Variants in AAK1 observed in about 807,000 individuals in gnomAD.
AAK1 encodes AP2 associated kinase 1.
Under a neutral mutation model 116.0 loss-of-function variants are expected in AAK1, and 37 were observed. That is an observed-to-expected ratio of 0.32 (90% CI 0.25 to 0.42). The LOEUF is 0.42. Among genes scored for constraint, AAK1 ranks in the 10% least tolerant of loss-of-function variants. The pLI is 1.00. For synonymous variants in AAK1, 458 were observed against 439.9 expected, an observed-to-expected ratio of 1.04 and a Z score of -0.51; for missense variants, 919 against 1,170.6, an observed-to-expected ratio of 0.79 and a Z score of 3.14.
Position 69,467,535 on chromosome 2 carries a change from G to T in AAK1, c.*8334C>A, listed in dbSNP as rs1674529600. The T allele has an allele frequency of 1.0e-6, 1 of 985,344 alleles. No homozygotes were observed. 61.0% of individuals were successfully genotyped at this position (985,344 alleles called of 1,614,324 possible). On this transcript the variant is annotated 3_prime_UTR_variant, in exon 22 of 22. Coordinates refer to ENST00000409085, the MANE Select transcript of AAK1 (RefSeq NM_014911.5). ...CAGAGAAAGGGTGGTTGGGGGTAAA[G>T]GTATCATTTCATCATGGGCTCAGTA...
intron 5 of AAK1, among the ~76,000 whole-genome samples, chr2:69,537,600 A>G (rs1670530473): frequency 6.6e-6 from 1 of 152,226 alleles, no homozygotes; most frequent in Non-Finnish European, 1.5e-5. Context: ...ACAGGAAAAT[A>G]GAGAACTCTT....
At chr2:69,573,946 G>T (rs1410645646) in intron 2 of AAK1, among the ~76,000 whole-genome samples, 1 of 151,848 alleles carries the variant, frequency 6.6e-6, no homozygotes, top group Non-Finnish European at 1.5e-5. Context: ...AGTGAGCTGA[G>T]ATCATGCCAC....
At chr2:69,584,662 TCAGG>T (rs1052181240) in intron 2 of AAK1, among the ~76,000 whole-genome samples, 16 of 152,190 alleles carry the variant, frequency 1.1e-4, no homozygotes, top group African/African-American at 3.1e-4. Flanking sequence ...AGGTGTCAGG[TCAGG>T]CTCTTGGTGA....
At chr2:69,607,903 C>T (rs192446654) in intron 2 of AAK1, among the ~76,000 whole-genome samples, 5 of 152,286 alleles carry the variant, frequency 3.3e-5, no homozygotes, top group East Asian at 3.9e-4. Context: ...TCTTATAGGA[C>T]ATCTGAGTAC....
intron 10 of AAK1, among the ~76,000 whole-genome samples, chr2:69,523,223 G>C (rs7566200): frequency 0.13 from 19,168 of 152,184 alleles, 1,531 homozygotes; most frequent in African/African-American, 0.22. Flanking sequence ...TATCATGTTT[G>C]AGCCTAGTAC....
chr2:69,514,579 C>G lies in AAK1; in HGVS notation c.1668G>C (p.Leu556=), dbSNP rs1451128310. The G allele has an allele frequency of 6.4e-7, 1 of 1,574,360 alleles. No homozygotes were observed. The part of the protein sequence containing the change: ...QLATALHQQQ[L]MTQQAALQQK... ...GCTGCAAGGCAGCCTGCTGAGTCATCAGCTGTTGTTGATGCAGGGCTGTGG... is the reference window on the plus strand; with the variant it reads ...GCTGCAAGGCAGCCTGCTGAGTCATGAGCTGTTGTTGATGCAGGGCTGTGG... Residue 556 remains leucine (L), a synonymous_variant, in exon 13 of 22, where the codon CTG becomes CTC. Transcript: ENST00000409085.
At chr2:69,491,943 TG>T (rs896109320) in intron 17 of AAK1, among the ~76,000 whole-genome samples, 2 of 152,148 alleles carry the variant, frequency 1.3e-5, no homozygotes, top group African/African-American at 4.8e-5. Context: ...AAGGCTTTAT[TG>T]ATCTGAGAAC....
rs1674591273 is a variant in AAK1 at position 69,469,134 on chromosome 2, G to A, written c.*6735C>T. Reference sequence around the variant, plus strand: ...TAAAGGGTTGTCCTGAGAAGGCCAAGTCCCTTAACCTTTCTATTCTTGTTA... The same window carrying A: ...TAAAGGGTTGTCCTGAGAAGGCCAAATCCCTTAACCTTTCTATTCTTGTTA... On this transcript the variant is annotated 3_prime_UTR_variant, in exon 22 of 22. Transcript: ENST00000409085. 1.0e-6 allele frequency: 1 copy of A among 985,316 alleles called. No homozygotes were observed. Among genetic ancestry groups the A allele is most frequent in the Non-Finnish European group, 1.2e-6 (1 of 829,942 alleles). 61.0% of individuals were successfully genotyped at this position (985,316 alleles called of 1,614,324 possible).
At chr2:69,484,032 G>T (rs183425309) in intron 17 of AAK1, among the ~76,000 whole-genome samples, 2 of 152,332 alleles carry the variant, frequency 1.3e-5, no homozygotes, top group African/African-American at 2.4e-5. Context: ...TTCCTGTTAA[G>T]AGGAGACTTA....
At chr2:69,556,614 T>A (rs772512528) in intron 3 of AAK1, among the ~76,000 whole-genome samples, 1 of 152,040 alleles carries the variant, frequency 6.6e-6, no homozygotes, top group Non-Finnish European at 1.5e-5. Flanking sequence ...CTTTTCCCAA[T>A]GCCCAAAATG....
At chr2:69,586,624 T>C (rs1321375365) in intron 2 of AAK1, among the ~76,000 whole-genome samples, 4 of 152,204 alleles carry the variant, frequency 2.6e-5, no homozygotes, top group Non-Finnish European at 4.4e-5. Flanking sequence ...CGGTAACTAC[T>C]GAATGAAGGA....
chr2:69,538,898 CAA>C (rs1250060533), intron 5 of AAK1, among the ~76,000 whole-genome samples: 5 of 151,920 alleles, frequency 3.3e-5, no homozygotes, highest in Non-Finnish European at 7.4e-5. Flanking sequence ...AAACAAAAAA[CAA>C]AGTTAATATA....
At chr2:69,485,809 C>T (rs997007723) in intron 17 of AAK1, among the ~76,000 whole-genome samples, 2 of 151,976 alleles carry the variant, frequency 1.3e-5, no homozygotes, top group African/African-American at 2.4e-5. Context: ...CGAGTGTGCG[C>T]CACCACACTC....
Position 69,498,177 on chromosome 2 carries a change from C to G in AAK1, c.2270-2097G>C, listed in dbSNP as rs150994080. On this transcript the variant is annotated intron_variant, in intron 16 of 21. Coordinates refer to ENST00000409085, the MANE Select transcript of AAK1 (RefSeq NM_014911.5). ...GGGGCTCAGCATCCCCTCTACTAAT[C>G]CCCTTGGCCTGGGCCATCAAATGTG... Among the ~76,000 whole-genome samples, 106 of 152,344 alleles carry G rather than the reference C, an allele frequency of 7.0e-4. 1 individual carries two copies. The South Asian group carries it at 7.1e-3, about 10-fold the overall frequency.
In AAK1 at chr2:69,519,225, G is replaced by C; in HGVS notation, c.1226C>G (p.Pro409Arg). Residue 409 changes from proline to arginine, a missense_variant, in exon 12 of 22, where the codon CCT becomes CGT. By Grantham distance (103) the Pro-to-Arg change is moderately radical. Coordinates refer to ENST00000409085, the MANE Select transcript of AAK1 (RefSeq NM_014911.5). ...PPQAAGSSNQ[P>R]GLLASVPQPK... ...TTGGGGAACACTGGCTAAAAGGCCAGGCTGATTGCTGGATCCTGCAATGAG... is the reference window on the plus strand; with the variant it reads ...TTGGGGAACACTGGCTAAAAGGCCACGCTGATTGCTGGATCCTGCAATGAG... The C allele has an allele frequency of 1.3e-6, 2 of 1,581,970 alleles. No individual in the cohort carries two copies. Among genetic ancestry groups the C allele is most frequent in the Non-Finnish European group, 1.7e-6 (2 of 1,163,692 alleles).
chr2:69,473,138 G>A lies in AAK1; in HGVS notation c.*2731C>T. 1.2e-6 allele frequency: 1 copy of A among 813,016 alleles called. No homozygotes were observed. Among genetic ancestry groups the A allele is most frequent in the Non-Finnish European group, 1.5e-6 (1 of 672,620 alleles). The allele number at this position is 813,016 out of a possible 1,614,324, so 50.4% of individuals were successfully genotyped here. On this transcript the variant is annotated 3_prime_UTR_variant, in exon 22 of 22. Transcript: ENST00000409085. ...CTAAGGAACAGCAACTCTGAGAGGT[G>A]AAGTGCCTGCTGAAGGTCACTCAGC...
At chr2:69,488,360 T>C (rs1048443437) in intron 17 of AAK1, among the ~76,000 whole-genome samples, 1 of 152,094 alleles carries the variant, frequency 6.6e-6, no homozygotes, top group Non-Finnish European at 1.5e-5. Context: ...GAGTATCATT[T>C]TATTGATTTA....
intron 2 of AAK1, among the ~76,000 whole-genome samples, chr2:69,621,568 TCA>T (rs899262634): frequency 6.6e-6 from 1 of 152,132 alleles, no homozygotes; most frequent in African/African-American, 2.4e-5. Context: ...AGCTGAACCC[TCA>T]GTCAACCCAC....
chr2:69,505,492 A>G lies in AAK1; in HGVS notation c.2269+77T>C, dbSNP rs371317810. 2.2e-5 allele frequency: 24 copies of G among 1,104,914 alleles called. No individual in the cohort carries two copies. The African/African-American group carries it at 3.4e-4, about 16-fold the overall frequency. 68.4% of individuals were successfully genotyped at this position (1,104,914 alleles called of 1,614,324 possible). On this transcript the variant is annotated intron_variant, in intron 16 of 21. Coordinates refer to ENST00000409085, the MANE Select transcript of AAK1 (RefSeq NM_014911.5). ...AGGATTTGGATTTCACTGGCATGCT[A>G]GAGTTATCTGTGGAGTAAAAAACAG...
Sources: allele counts gnomAD v4.1 joint callset (sites outside exome capture counted in the v4.1 genomes callset), GRCh38; gene constraint gnomAD v4.1.1; transcripts MANE v1.5; gene names NCBI Gene and HGNC (gene_info 2026-07-23, HGNC 2026-07-21).